The following DHRS12 variants were observed in gnomAD, a reference collection of about 807,000 sequenced individuals.
The protein encoded by DHRS12 is dehydrogenase/reductase 12.
DHRS12 carries 29 observed loss-of-function variants against 32.1 expected under a neutral mutation model. The ratio of observed to expected loss-of-function variants is 0.90; its 90% confidence interval spans 0.67 to 1.23. The LOEUF (loss-of-function observed/expected upper bound fraction) is 1.23. DHRS12 is among the 50% of genes most tolerant of loss of function. The probability of loss-of-function intolerance (pLI) is 0.00; values close to 1 mark genes in which losing one functional copy is unlikely to be tolerated. For missense variants in DHRS12, 330 were observed against 337.2 expected (o/e 0.98, Z 0.17); for synonymous variants, 150 against 135.9 (o/e 1.10, Z -0.72).
At chr13:51,800,261 T>C (rs1352683601) in intron 1 of DHRS12, among the ~76,000 whole-genome samples, 2 of 152,274 alleles carry the variant, frequency 1.3e-5, no homozygotes, top group Non-Finnish European at 2.9e-5. Context: ...TATGATAATG[T>C]TCTGGCAGGT....
intron 2 of DHRS12, among the ~76,000 whole-genome samples, chr13:51,797,079 A>C (rs1955541136): frequency 6.6e-6 from 1 of 152,084 alleles, no homozygotes; most frequent in Non-Finnish European, 1.5e-5. Context: ...TGGAATGAGG[A>C]TGTTCTTTAG....
Position 51,773,993 on chromosome 13 carries a change from GTTCAGT to G in DHRS12, c.399_404del (p.Lys133_Leu134del). 6.2e-7 allele frequency: 1 copy of G among 1,613,998 alleles called. No homozygotes were observed. Among genetic ancestry groups the G allele is most frequent in the South Asian group, 1.1e-5 (1 of 91,080 alleles). On this transcript the variant is annotated inframe_deletion, in exon 6 of 9. Transcript: ENST00000444610. ...TTCTTTCGGACTGGAGATCATTGGT[GTTCAGT>G]TTCTGAACCAACATTCCTCCTGAGG...
intron 6 of DHRS12, 65 bp from the exon 7 acceptor site, chr13:51,771,976 G>T: frequency 1.3e-6 from 2 of 1,483,574 alleles, no homozygotes; most frequent in Non-Finnish European, 1.9e-6. Context: ...AAGGGCAGGG[G>T]ATAAGCCCTG....
chr13:51,760,347 T>A, the DHRS12 span: 1 of 152,198 alleles, frequency 6.6e-6, no homozygotes, highest in African/African-American at 2.4e-5. Flanking sequence ...AGCCAGCTGC[T>A]GGAATTGCCT....
At chr13:51,770,838 T>C (rs878949102) in intron 7 of DHRS12, 2 of 1,067,634 alleles carry the variant, frequency 1.9e-6, no homozygotes, top group Non-Finnish European at 2.3e-6. Flanking sequence ...TCCATAGGCA[T>C]GATTGGCAGC....
chr13:51,771,976 G>C, intron 6 of DHRS12, 65 bp from the exon 7 acceptor site: 11 of 1,483,538 alleles, frequency 7.4e-6, no homozygotes, highest in South Asian at 3.4e-5. Context: ...AAGGGCAGGG[G>C]ATAAGCCCTG....
downstream of DHRS12, chr13:51,766,549 C>T (rs1297514041): frequency 6.6e-6 from 1 of 152,256 alleles, no homozygotes; most frequent in Non-Finnish European, 1.5e-5. Flanking sequence ...GCCACACTCC[C>T]TGCCAGTCCT....
chr13:51,776,092 AT>A (rs1320829527), intron 5 of DHRS12: 1 of 63,390 alleles, frequency 1.6e-5, no homozygotes, highest in Admixed American at 1.8e-4. Flanking sequence ...ATTCTCCTAC[AT>A]GTATTCTACA....
At chr13:51,778,293 C>T (rs1474553038) in intron 4 of DHRS12, among the ~76,000 whole-genome samples, 1 of 152,182 alleles carries the variant, frequency 6.6e-6, no homozygotes, top group Admixed American at 6.5e-5. Flanking sequence ...CTGGGCAGGC[C>T]GCCTTTGTCC....
At chr13:51,769,376 AAG>A in intron 7 of DHRS12, 83 bp from the exon 8 acceptor site, 5 of 1,140,392 alleles carry the variant, frequency 4.4e-6, no homozygotes, top group Non-Finnish European at 5.9e-6. Flanking sequence ...AAAAAAAAAA[AAG>A]TGCAAAAATG....
intron 2 of DHRS12, among the ~76,000 whole-genome samples, chr13:51,794,416 G>A (rs192447064): frequency 6.6e-6 from 1 of 152,316 alleles, no homozygotes; most frequent in East Asian, 1.9e-4. Context: ...GGAGAAATGA[G>A]GCGGTATTTC....
At chr13:51,769,368 A>G in intron 7 of DHRS12, 75 bp from the exon 8 acceptor site, 1 of 1,235,114 alleles carries the variant, frequency 8.1e-7, no homozygotes, top group Non-Finnish European at 1.1e-6. Context: ...TAATTTAAAA[A>G]AAAAAAAAAG....
intron 2 of DHRS12, among the ~76,000 whole-genome samples, chr13:51,795,982 G>A (rs1330169269): frequency 6.6e-6 from 1 of 152,144 alleles, no homozygotes; most frequent in East Asian, 1.9e-4. Flanking sequence ...AGACTGTCTG[G>A]GGCTGTGTCT....
intron 6 of DHRS12, chr13:51,772,568 A>G: frequency 1.0e-6 from 1 of 955,200 alleles, no homozygotes; most frequent in Non-Finnish European, 1.2e-6. Flanking sequence ...AATTGCTTAA[A>G]CCAAGGAGAT....
intron 4 of DHRS12, among the ~76,000 whole-genome samples, chr13:51,786,278 T>C (rs481133): frequency 0.95 from 144,670 of 152,326 alleles, 68,805 homozygotes; most frequent in African/African-American, 0.99. Context: ...TTGTGTCCTG[T>C]GGTGAGAGAG....
intron 1 of DHRS12, 22 bp downstream of exon 1, chr13:51,804,032 G>GCGCCC (rs1286939998): frequency 1.4e-6 from 2 of 1,465,398 alleles, no homozygotes; most frequent in African/African-American, 2.9e-5. Context: ...CCGGGGCCCC[G>GCGCCC]CGCCCCGCCG....
rs546315668 is a variant in DHRS12 at position 51,782,358 on chromosome 13, C to T, written c.302-5237G>A. Among the ~76,000 whole-genome samples the T allele has an allele frequency of 5.9e-5, 9 of 152,212 alleles. No homozygotes were observed. The highest frequency in any genetic ancestry group is 1.7e-4 in the African/African-American group (7 of 41,518). ...CCAACATTTAAAGTCCCCGCAGACACGCTGCAGCTGGCTAAGGAGGTTGAG... is the reference window on the plus strand; with the variant it reads ...CCAACATTTAAAGTCCCCGCAGACATGCTGCAGCTGGCTAAGGAGGTTGAG... On this transcript the variant is annotated intron_variant, in intron 4 of 8. Coordinates refer to ENST00000444610, the MANE Select transcript of DHRS12 (RefSeq NM_001377533.1). The surrounding 1 kb of genome is among the most constrained non-coding windows in gnomAD (Gnocchi z 4.2).
rs144123523 is a variant in DHRS12 at position 51,801,114 on chromosome 13, G to A, written c.-8-1447C>T. Among the ~76,000 whole-genome samples, 75 of 152,278 alleles carry A rather than the reference G, an allele frequency of 4.9e-4. No individual in the cohort carries two copies. The East Asian group carries it at 0.014, about 28-fold the overall frequency. On this transcript the variant is annotated intron_variant, in intron 1 of 8. Transcript: ENST00000444610. ...AATAATAAGAGATACCTCTTGGGCA[G>A]CCTAAATGAGATGCCGCATCTAAGG...
rs537813420 is a variant in DHRS12 at position 51,794,436 on chromosome 13, C to G, written c.127-3179G>C. On this transcript the variant is annotated intron_variant, in intron 2 of 8. Transcript: ENST00000444610. ...AATGAGGCGGTATTTCATAAAACCACTGAGGTCTTGGGAAGCTAAATCAAC... is the reference window on the plus strand; with the variant it reads ...AATGAGGCGGTATTTCATAAAACCAGTGAGGTCTTGGGAAGCTAAATCAAC... 2.8e-4 allele frequency among the ~76,000 whole-genome samples: 42 copies of G among 152,306 alleles called. 2 individuals carry two copies. In the South Asian group the frequency reaches 8.7e-3, roughly 32 times the overall value.
Sources: gnomAD v4.1 joint callset for allele counts (sites outside exome capture counted in the v4.1 genomes callset) on GRCh38, gnomAD v4.1.1 for gene constraint, Gnocchi (gnomAD v3.1) non-coding constraint, MANE v1.5 for transcripts, NCBI Gene and HGNC (gene_info 2026-07-23, HGNC 2026-07-21) for gene names.